ING2: variants seen among roughly 807,000 people sequenced by gnomAD.
The protein encoded by ING2 is inhibitor of growth protein 2.
ING2 carries 7 observed loss-of-function variants against 30.6 expected under a neutral mutation model. That is an observed-to-expected ratio of 0.23 (90% CI 0.13 to 0.43). ING2 has a LOEUF of 0.43. Ranked by LOEUF, ING2 falls within the 20% of genes least tolerant of loss-of-function variation. The pLI is 1.00. For synonymous variants in ING2, 136 were observed against 121.7 expected (o/e 1.12, Z -0.78); for missense variants, 239 against 334.9 (o/e 0.71, Z 2.24).
intron 1 of ING2, among the ~76,000 whole-genome samples, chr4:183,509,374 A>C (rs1163973736): frequency 6.6e-6 from 1 of 152,084 alleles, no homozygotes; most frequent in African/African-American, 2.4e-5. Flanking sequence ...AGTACTTAGT[A>C]GACTAAAGTG....
At position 183,510,769 on chromosome 4, in the gene ING2, G is replaced by C; in HGVS notation, c.660G>C (p.Val220=). 1 of 1,614,176 alleles carries C rather than the reference G, an allele frequency of 6.2e-7. No individual in the cohort carries two copies. Among genetic ancestry groups the C allele is most frequent in the South Asian group, 1.1e-5 (1 of 91,088 alleles). ...NEPTYCLCNQ[V]SYGEMIGCDN... is the part of the protein sequence containing the mutation. Reference sequence around the variant, plus strand: ...CTACATACTGCTTATGCAACCAAGTGTCTTATGGGGAGATGATAGGATGTG... The same window carrying C: ...CTACATACTGCTTATGCAACCAAGTCTCTTATGGGGAGATGATAGGATGTG... The change falls in exon 2 of 2, where the codon GTG becomes GTC. Residue 220 remains valine, a synonymous_variant. Coordinates refer to ENST00000302327, the MANE Select transcript of ING2 (RefSeq NM_001564.4).
At position 183,511,858 on chromosome 4, in the gene ING2, T is replaced by C. The variant is rs1734828531; in HGVS notation, c.*906T>C. On this transcript the variant is annotated 3_prime_UTR_variant, in exon 2 of 2. Coordinates refer to ENST00000302327, the MANE Select transcript of ING2 (RefSeq NM_001564.4). Reference sequence around the variant, plus strand: ...GTAGTCTTTAAATATTGCCTTTATGTCAGAGAGTTGTTTTAAATGGTTTTG... The same window carrying C: ...GTAGTCTTTAAATATTGCCTTTATGCCAGAGAGTTGTTTTAAATGGTTTTG... Among the ~76,000 whole-genome samples, 2 of 152,376 alleles carry C rather than the reference T, an allele frequency of 1.3e-5. No individual in the cohort carries two copies. Among genetic ancestry groups the C allele is most frequent in the South Asian group, 2.1e-4 (1 of 4,830 alleles).
chr4:183,508,599 A>G (rs1368437246), intron 1 of ING2, among the ~76,000 whole-genome samples: 1 of 152,216 alleles, frequency 6.6e-6, no homozygotes, highest in African/African-American at 2.4e-5. Context: ...TCCAGGGAGA[A>G]GCTGATTAAT....
chr4:183,507,976 TAAC>T (rs1325395697), intron 1 of ING2, among the ~76,000 whole-genome samples: 1 of 152,134 alleles, frequency 6.6e-6, no homozygotes, highest in Non-Finnish European at 1.5e-5. Flanking sequence ...CTTAGATAAA[TAAC>T]AACCTTCAAA....
At chr4:183,506,378 G>T in intron 1 of ING2, 3 of 1,147,444 alleles carry the variant, frequency 2.6e-6, no homozygotes, top group Non-Finnish European at 2.4e-6. Context: ...GGTTGACTGG[G>T]CAACCGCCTG....
rs1271333624 is a variant in ING2 at position 183,510,849 on chromosome 4, A to G, written c.740A>G (p.Tyr247Cys). Residue 247 changes from tyrosine to cysteine, a missense_variant, in exon 2 of 2, where the codon TAT becomes TGT. Transcript: ENST00000302327. The part of the protein sequence containing the change: ...WFHFSCVSLT[Y>C]KPKGKWYCPK... Reference sequence around the variant, plus strand: ...CACTTTTCATGTGTTTCACTTACCTATAAACCAAAGGGGAAATGGTATTGC... The same window carrying G: ...CACTTTTCATGTGTTTCACTTACCTGTAAACCAAAGGGGAAATGGTATTGC... 1.2e-6 allele frequency: 2 copies of G among 1,614,108 alleles called. No homozygotes were observed. The highest frequency in any genetic ancestry group is 2.2e-5 in the East Asian group (1 of 44,898).
intron 1 of ING2, among the ~76,000 whole-genome samples, 173 bp downstream of exon 1, chr4:183,505,540 G>A (rs1734614920): frequency 6.6e-6 from 1 of 151,944 alleles, no homozygotes; most frequent in African/African-American, 2.4e-5. Flanking sequence ...CGCGGTGGGC[G>A]AGTACTTCTC....
chr4:183,507,788 T>C (rs1425211258), intron 1 of ING2, among the ~76,000 whole-genome samples: 1 of 152,198 alleles, frequency 6.6e-6, no homozygotes, highest in African/African-American at 2.4e-5. Flanking sequence ...TATTTAGTGA[T>C]ATAAATTATA....
At chr4:183,507,602 C>T (rs1159131283) in intron 1 of ING2, among the ~76,000 whole-genome samples, 1 of 152,134 alleles carries the variant, frequency 6.6e-6, no homozygotes, top group African/African-American at 2.4e-5. Context: ...ATTCTTAGCT[C>T]TATGAAGTTT....
intron 1 of ING2, chr4:183,505,981 G>A: frequency 1.5e-6 from 1 of 674,676 alleles, no homozygotes; most frequent in Non-Finnish European, 2.0e-6. Context: ...CGGCAAAATG[G>A]TTAAGAGGGG....
At chr4:183,508,754 G>A (rs943566244) in intron 1 of ING2, among the ~76,000 whole-genome samples, 4 of 152,102 alleles carry the variant, frequency 2.6e-5, no homozygotes, top group East Asian at 1.9e-4. Flanking sequence ...AATACCATGC[G>A]GACAGAACTC....
intron 1 of ING2, among the ~76,000 whole-genome samples, chr4:183,505,770 G>C (rs1734621712): frequency 1.3e-5 from 2 of 152,058 alleles, no homozygotes; most frequent in Non-Finnish European, 2.9e-5. Flanking sequence ...TGCGGGGCGC[G>C]CTTCCCCACC....
At chr4:183,505,967 C>T in intron 1 of ING2, 1 of 567,052 alleles carries the variant, frequency 1.8e-6, no homozygotes, top group Non-Finnish European at 2.4e-6. Flanking sequence ...TAGCCCAGTT[C>T]TTTCGGCAAA....
Position 183,511,560 on chromosome 4 carries a change from T to TAGCC in ING2, c.*609_*612dup, listed in dbSNP as rs1045596311. On this transcript the variant is annotated 3_prime_UTR_variant, in exon 2 of 2. Coordinates refer to ENST00000302327, the MANE Select transcript of ING2 (RefSeq NM_001564.4). ...TAGTAGCATTTTGATCCACTGTCAG[T>TAGCC]AGCCCATTTGTCAATGCCTTGCTGC... is the stretch of plus-strand genomic sequence containing the variant. Among the ~76,000 whole-genome samples the TAGCC allele has an allele frequency of 6.6e-6, 1 of 152,224 alleles. No individual in the cohort carries two copies. The highest frequency in any genetic ancestry group is 1.9e-4 in the East Asian group (1 of 5,202).
At chr4:183,506,197 G>T in intron 1 of ING2, 2 of 1,302,172 alleles carry the variant, frequency 1.5e-6, no homozygotes, top group Non-Finnish European at 2.0e-6. Context: ...CGTTGGTTCG[G>T]CCCCAGCGGA....
intron 1 of ING2, among the ~76,000 whole-genome samples, chr4:183,509,082 T>A (rs1252673836): frequency 2.0e-5 from 3 of 152,226 alleles, no homozygotes; most frequent in Non-Finnish European, 4.4e-5. Context: ...ATAGTTTCAT[T>A]TTCAGAATTT....
rs997680442 is a variant in ING2 at position 183,506,458 on chromosome 4, G to C, written c.172+1091G>C. The C allele has an allele frequency of 1.2e-5, 6 of 505,332 alleles. No individual in the cohort carries two copies. The East Asian group carries it at 4.2e-4, about 36-fold the overall frequency. The allele number at this position is 505,332 out of a possible 1,614,324, so 31.3% of individuals were successfully genotyped here. On this transcript the variant is annotated intron_variant, in intron 1 of 1. Coordinates refer to ENST00000302327, the MANE Select transcript of ING2 (RefSeq NM_001564.4). ...AACCACCCTTTGCCGGCCGACCCGG[G>C]AACCCGGGACAGAATCGACCTTCCT...
intron 1 of ING2, among the ~76,000 whole-genome samples, chr4:183,508,624 A>G (rs1159043838): frequency 6.6e-6 from 1 of 152,156 alleles, no homozygotes; most frequent in Non-Finnish European, 1.5e-5. Flanking sequence ...TCTGTTGAAT[A>G]TTTGCTTTTG....
rs1734605160 is a variant in ING2, at chr4:183,505,217, C to G, written c.22C>G (p.Gln8Glu). The G allele has an allele frequency of 6.2e-7, 1 of 1,601,934 alleles. No individual in the cohort carries two copies. The highest frequency in any genetic ancestry group is 1.3e-5 in the African/African-American group (1 of 74,466). ...CAGGATGTTAGGGCAGCAGCAGCAGCAACTGTACTCGTCGGCCGCGCTCCT... is the reference window on the plus strand; with the variant it reads ...CAGGATGTTAGGGCAGCAGCAGCAGGAACTGTACTCGTCGGCCGCGCTCCT... MLGQQQQQLYSSAALLTG... is the reference protein window; with the variant it reads MLGQQQQELYSSAALLTG... Residue 8 changes from glutamine to glutamate, a missense_variant, in exon 1 of 2, where the codon CAA becomes GAA. Physicochemically the swap from Gln to Glu is conservative, Grantham distance 29. Around this residue, in one of 5 missense-constraint regions of ING2, gnomAD observed 80 missense variants for 102.4 expected, o/e 0.78. Transcript: ENST00000302327.
Sources: allele counts gnomAD v4.1 joint callset (sites outside exome capture counted in the v4.1 genomes callset), GRCh38; gene constraint gnomAD v4.1.1; regional missense constraint gnomAD v4.1.1; transcripts MANE v1.5; gene names NCBI Gene and HGNC (gene_info 2026-07-23, HGNC 2026-07-21).